The following CTU1 variants were observed in gnomAD, a reference collection of about 807,000 sequenced individuals.
CTU1 encodes the protein cytosolic thiouridylase subunit 1, also known as cytoplasmic tRNA 2-thiolation protein 1.
CTU1 carries 15 observed loss-of-function variants against 12.9 expected under a neutral mutation model. That is an observed-to-expected ratio of 1.16 (90% CI 0.78 to 1.79). CTU1 has a LOEUF of 1.79. CTU1 is among the 40% of genes most tolerant of loss of function. CTU1 has a pLI of 0.00. For missense variants in CTU1, 553 were observed against 550.5 expected (o/e 1.00, Z -0.05); for synonymous variants, 295 against 275.6 (o/e 1.07, Z -0.70).
chr19:51,103,964 A>G, intron 2 of CTU1, 98 bp downstream of exon 2: 1 of 1,235,310 alleles, frequency 8.1e-7, no homozygotes, highest in Non-Finnish European at 1.0e-6. Flanking sequence ...CGCCTTCTGG[A>G]GCATGCGCCT....
chr19:51,103,986 C>T (rs2091913140), intron 2 of CTU1, 76 bp downstream of exon 2: 1 of 1,327,490 alleles, frequency 7.5e-7, no homozygotes, highest in Non-Finnish European at 9.7e-7. Flanking sequence ...AATCCCCTTT[C>T]AGGTCCCGCC....
rs1228889459 is a variant in CTU1 at position 51,099,003 on chromosome 19, G to A, written c.645C>T (p.Phe215=). ...ACAGCACCACCTCCTTCTGCGAGGC[G>A]AACTGCAGCGGGCGGCAGCGCGGCA... The part of the protein sequence containing the change: ...GALPRCRPLQ[F]ASQKEVVLYA... The change falls in exon 3 of 3, where the codon TTC becomes TTT. Residue 215 remains phenylalanine (F), a synonymous_variant. Coordinates refer to ENST00000421832, the MANE Select transcript of CTU1 (RefSeq NM_145232.4). 6.5e-7 allele frequency: 1 copy of A among 1,532,180 alleles called. No individual in the cohort carries two copies. Among genetic ancestry groups the A allele is most frequent in the Non-Finnish European group, 8.7e-7 (1 of 1,145,308 alleles). 94.9% of individuals were successfully genotyped at this position (1,532,180 alleles called of 1,614,324 possible). A position where few individuals can be genotyped will look rare whatever the true frequency, so the allele number is the denominator to read the frequency against.
chr19:51,100,613 A>G (rs374950326), intron 2 of CTU1, among the ~76,000 whole-genome samples: 1 of 152,104 alleles, frequency 6.6e-6, no homozygotes, highest in East Asian at 1.9e-4. Flanking sequence ...GAAAAAAAAG[A>G]AAAGAAAATG....
rs1599805735 is a variant in CTU1 at position 51,098,924 on chromosome 19, C to T, written c.724G>A (p.Glu242Lys). 3 of 1,529,850 alleles carry T rather than the reference C, an allele frequency of 2.0e-6. No homozygotes were observed. Among genetic ancestry groups the T allele is most frequent in the East Asian group, 2.6e-5 (1 of 38,946 alleles). The allele number at this position is 1,529,850 out of a possible 1,614,324, so 94.8% of individuals were successfully genotyped here. ...TCCCGGGCGTGGCCGCGGAAGGCCT[C>T]GGGCGCGTAGACGCACTCCTCGGAG... ...YFSEECVYAP[E>K]AFRGHARDLL... Residue 242 changes from glutamate (E) to lysine (K), a missense_variant, in exon 3 of 3, where the codon GAG becomes AAG. By Grantham distance (56) the Glu-to-Lys change is moderately conservative. Around this residue, in one of 2 missense-constraint regions of CTU1, gnomAD observed 500 missense variants for 458.5 expected, o/e 1.09. Transcript: ENST00000421832. This position sits in a 1 kb window ranked among gnomAD's most constrained non-coding sequence, Gnocchi z 4.3.
At chr19:51,103,934 A>G (rs986338133) in intron 2 of CTU1, 128 bp downstream of exon 2, 2 of 993,548 alleles carry the variant, frequency 2.0e-6, no homozygotes, top group East Asian at 6.6e-5. Context: ...CCTCCCATTA[A>G]GCCACCAGGG....
chr19:51,097,790 C>T lies in CTU1; in HGVS notation c.*811G>A, dbSNP rs541895151. 1 of 152,302 alleles carries T rather than the reference C, an allele frequency of 6.6e-6. No individual in the cohort carries two copies. Among genetic ancestry groups the T allele is most frequent in the Non-Finnish European group, 1.5e-5 (1 of 68,090 alleles). The allele number at this position is 152,302 out of a possible 1,614,324, so 9.4% of individuals were successfully genotyped here. On this transcript the variant is annotated 3_prime_UTR_variant, in exon 3 of 3. Transcript: ENST00000421832. The stretch of plus-strand genomic sequence containing the variant: ...GCTCACACAACCCTGCCTCCAGAGT[C>T]CAAGGTTTGGGGAACGCATCCAACC...
rs959553055 is a variant in CTU1 at position 51,098,021 on chromosome 19, A to C, written c.*580T>G. The C allele has an allele frequency of 6.6e-6, 1 of 152,296 alleles. No individual in the cohort carries two copies. The highest frequency in any genetic ancestry group is 1.5e-5 in the Non-Finnish European group (1 of 68,112). 9.4% of individuals were successfully genotyped at this position (152,296 alleles called of 1,614,324 possible). ...ACGAAATGAGGGTGCAGTGCGTGCT[A>C]CACACGAAGCGCTGGAAGGGAGGCA... On this transcript the variant is annotated 3_prime_UTR_variant, in exon 3 of 3. Coordinates refer to ENST00000421832, the MANE Select transcript of CTU1 (RefSeq NM_145232.4). This position sits in a 1 kb window ranked among gnomAD's most constrained non-coding sequence, Gnocchi z 4.3.
chr19:51,103,101 G>A (rs1444464396), intron 2 of CTU1, among the ~76,000 whole-genome samples: 5 of 152,168 alleles, frequency 3.3e-5, no homozygotes, highest in Non-Finnish European at 7.3e-5. Context: ...TACGGGTTAT[G>A]TAACATAACT....
intron 2 of CTU1, among the ~76,000 whole-genome samples, chr19:51,100,416 C>T (rs147212585): frequency 5.3e-5 from 8 of 152,166 alleles, no homozygotes; most frequent in African/African-American, 1.9e-4. Context: ...TTGAGACCAG[C>T]CTGGCCAACA....
rs2091898762 is a variant in CTU1, at chr19:51,098,826, C to T, written c.822G>A (p.Ala274=). 4 of 1,120,914 alleles carry T rather than the reference C, an allele frequency of 3.6e-6. No individual in the cohort carries two copies. The highest frequency in any genetic ancestry group is 1.7e-5 in the African/African-American group (1 of 59,200). The allele number at this position is 1,120,914 out of a possible 1,614,324, so 69.4% of individuals were successfully genotyped here. ...LDLVHSAERL[A]LAPAARPPRP... ...GCGGGGGCCGCGCGGCCGGGGCCAG[C>T]GCCAGGCGCTCGGCCGAGTGCACGA... Residue 274 remains alanine (A), a synonymous_variant, in exon 3 of 3, where the codon GCG becomes GCA. Coordinates refer to ENST00000421832, the MANE Select transcript of CTU1 (RefSeq NM_145232.4). The surrounding 1 kb of genome is among the most constrained non-coding windows in gnomAD (Gnocchi z 4.3).
At chr19:51,106,575 G>A (rs751306328) in intron 1 of CTU1, among the ~76,000 whole-genome samples, 3 of 152,030 alleles carry the variant, frequency 2.0e-5, no homozygotes, top group African/African-American at 7.2e-5. Context: ...GCACAATCTC[G>A]GCTCACTGTA....
intron 1 of CTU1, among the ~76,000 whole-genome samples, chr19:51,106,846 T>A (rs1248267006): frequency 6.6e-6 from 1 of 152,164 alleles, no homozygotes; most frequent in Non-Finnish European, 1.5e-5. Context: ...CGCCTCTGAA[T>A]CATGATATTC....
rs1357714545 is a variant in CTU1, at chr19:51,108,087, G to A, written c.-22+260C>T. Among the ~76,000 whole-genome samples the A allele has an allele frequency of 6.6e-6, 1 of 152,138 alleles. No homozygotes were observed. The highest frequency in any genetic ancestry group is 1.5e-5 in the Non-Finnish European group (1 of 68,014). On this transcript the variant is annotated intron_variant, in intron 1 of 2. Coordinates refer to ENST00000421832, the MANE Select transcript of CTU1 (RefSeq NM_145232.4). The surrounding 1 kb of genome is among the most constrained non-coding windows in gnomAD (Gnocchi z 4.5). Reference sequence around the variant, plus strand: ...CAAAAGGACAGATAATGTGTGGCATGGGGGCGGGGACAGGCAGATAGTAAC... The same window carrying A: ...CAAAAGGACAGATAATGTGTGGCATAGGGGCGGGGACAGGCAGATAGTAAC...
chr19:51,101,855 A>T (rs551203412), intron 2 of CTU1, among the ~76,000 whole-genome samples: 7 of 152,360 alleles, frequency 4.6e-5, no homozygotes, highest in African/African-American at 1.7e-4. Flanking sequence ...AACAATTATT[A>T]TACTACGCCT....
At position 51,104,390 on chromosome 19, in the gene CTU1, G is replaced by T; in HGVS notation, c.180C>A (p.Gly60=). Residue 60 remains glycine, a synonymous_variant, in exon 2 of 3, where the codon GGC becomes GGA. Coordinates refer to ENST00000421832, the MANE Select transcript of CTU1 (RefSeq NM_145232.4). ...GCGCCAGCACCGTGGAGTCCTTGCC[G>T]CCCGAGGCGCCCACGGCCACCACCG... The part of the protein sequence containing the change: ...PGAVVAVGAS[G]GKDSTVLAHV... The T allele has an allele frequency of 7.8e-7, 1 of 1,283,476 alleles. No individual in the cohort carries two copies. The highest frequency in any genetic ancestry group is 9.9e-7 in the Non-Finnish European group (1 of 1,014,798). The allele number at this position is 1,283,476 out of a possible 1,614,324, so 79.5% of individuals were successfully genotyped here.
Position 51,098,406 on chromosome 19 carries a change from C to T in CTU1, c.*195G>A. 1 of 432,808 alleles carries T rather than the reference C, an allele frequency of 2.3e-6. No individual in the cohort carries two copies. The highest frequency in any genetic ancestry group is 3.7e-6 in the Non-Finnish European group (1 of 271,150). 26.8% of individuals were successfully genotyped at this position (432,808 alleles called of 1,614,324 possible). On this transcript the variant is annotated 3_prime_UTR_variant, in exon 3 of 3. Coordinates refer to ENST00000421832, the MANE Select transcript of CTU1 (RefSeq NM_145232.4). This position sits in a 1 kb window ranked among gnomAD's most constrained non-coding sequence, Gnocchi z 4.3. ...CCCCCTCCTCCCTCAGAGCCTGAAG[C>T]CCAGTTCGAGACCCTTCTTCCCTGA...
chr19:51,101,633 C>T (rs1279296905), intron 2 of CTU1, among the ~76,000 whole-genome samples: 1 of 152,166 alleles, frequency 6.6e-6, no homozygotes, highest in Non-Finnish European at 1.5e-5. Context: ...AAGAACTTGG[C>T]TCTAATTGTG....
At chr19:51,107,668 A>G (rs1213738654) in intron 1 of CTU1, among the ~76,000 whole-genome samples, 2 of 152,166 alleles carry the variant, frequency 1.3e-5, no homozygotes, top group South Asian at 2.1e-4. Flanking sequence ...GGCAACGACG[A>G]GAGAAAGTGA....
Position 51,104,591 on chromosome 19 carries a change from C to A in CTU1, c.-21-1G>T. The A allele has an allele frequency of 8.1e-7, 1 of 1,237,858 alleles. No individual in the cohort carries two copies. Among genetic ancestry groups the A allele is most frequent in the South Asian group, 3.7e-5 (1 of 26,750 alleles). The allele number at this position is 1,237,858 out of a possible 1,614,324, so 76.7% of individuals were successfully genotyped here. A position where few individuals can be genotyped will look rare whatever the true frequency, so the allele number is the denominator to read the frequency against. ...GCATTGCGGGAGGGGTCGGCTTCTCCTAGACAGGGAGAGAGAGGAGGTGGG... is the reference window on the plus strand; with the variant it reads ...GCATTGCGGGAGGGGTCGGCTTCTCATAGACAGGGAGAGAGAGGAGGTGGG... On this transcript the variant is annotated splice_acceptor_variant, in intron 1 of 2. Transcript: ENST00000421832. LOFTEE classifies it low-confidence loss of function (5UTR_SPLICE).
Sources: gnomAD v4.1 joint callset for allele counts (sites outside exome capture counted in the v4.1 genomes callset) on GRCh38, gnomAD v4.1.1 for gene constraint, gnomAD v4.1.1 regional missense constraint, Gnocchi (gnomAD v3.1) non-coding constraint, MANE v1.5 for transcripts, NCBI Gene and HGNC (gene_info 2026-07-23, HGNC 2026-07-21) for gene names.